CXADR: variants seen among roughly 807,000 people sequenced by gnomAD.
The protein encoded by CXADR is coxsackievirus and adenovirus receptor.
In CXADR, 20 loss-of-function variants were observed where a neutral mutation model predicts 40.3. The ratio of observed to expected loss-of-function variants is 0.50; its 90% CI spans 0.35 to 0.72. The LOEUF is 0.72. CXADR is among the 30% of genes least tolerant of loss of function. The probability of loss-of-function intolerance (pLI) is 0.01; values close to 1 mark genes in which losing one functional copy is unlikely to be tolerated. For synonymous variants in CXADR, 150 were observed against 161.3 expected, an observed-to-expected ratio of 0.93 and a Z score of 0.53; for missense variants, 332 against 449.1, an observed-to-expected ratio of 0.74 and a Z score of 2.36.
At chr21:17,612,525 G>A in the CXADR span, 1 of 152,056 alleles carries the variant, frequency 6.6e-6, no homozygotes, top group African/African-American at 2.4e-5. Context: ...CCGCAGCCCC[G>A]CTCTGGCGCC....
At chr21:17,595,308 T>A (rs184767614), downstream of CXADR, among the ~76,000 whole-genome samples, 38 of 152,160 alleles carry the variant, frequency 2.5e-4, 1 homozygote, top group South Asian at 8.3e-4. Flanking sequence ...AGGATTTTTT[T>A]AAAAAAATTA....
At chr21:17,605,112 G>T in the CXADR span, 2 of 1,179,504 alleles carry the variant, frequency 1.7e-6, no homozygotes, top group Non-Finnish European at 2.3e-6. Context: ...AAATACCCTG[G>T]TAGAGAACCT....
At chr21:17,538,169 T>C (rs1394074377) in intron 1 of CXADR, among the ~76,000 whole-genome samples, 1 of 149,998 alleles carries the variant, frequency 6.7e-6, no homozygotes, top group Non-Finnish European at 1.5e-5. Flanking sequence ...GTCCGGCTAA[T>C]TTTTATATTT....
intron 7 of CXADR, among the ~76,000 whole-genome samples, chr21:17,584,309 A>G (rs527536749): frequency 2.6e-5 from 4 of 152,206 alleles, no homozygotes; most frequent in Non-Finnish European, 5.9e-5. Context: ...ATGATTTTTA[A>G]TTAAAGACGT....
chr21:17,598,979 C>G, the CXADR span: 1 of 557,182 alleles, frequency 1.8e-6, no homozygotes, highest in South Asian at 3.0e-5. Context: ...CCTAATACAG[C>G]TCAATGCCAG....
intron 2 of CXADR, among the ~76,000 whole-genome samples, chr21:17,547,870 G>T (rs927692970): frequency 6.6e-6 from 1 of 151,862 alleles, no homozygotes; most frequent in Non-Finnish European, 1.5e-5. Context: ...TTAAAACATT[G>T]TTTCAGTATT....
In CXADR at chr21:17,569,756, A is replaced by T. The variant is rs965083288; in HGVS notation, c.*4064A>T. On this transcript the variant is annotated 3_prime_UTR_variant, in exon 7 of 7. Transcript: ENST00000284878. Reference sequence around the variant, plus strand: ...ATATCAGTTGGGTTTGGTTTTGGTCATCGAGACTAAAAGCTCCATCAAAAC... The same window carrying T: ...ATATCAGTTGGGTTTGGTTTTGGTCTTCGAGACTAAAAGCTCCATCAAAAC... 2 of 984,066 alleles carry T rather than the reference A, an allele frequency of 2.0e-6. No individual in the cohort carries two copies. The highest frequency in any genetic ancestry group is 3.5e-5 in the African/African-American group (2 of 57,216). The allele number at this position is 984,066 out of a possible 1,614,324, so 61.0% of individuals were successfully genotyped here.
intron 1 of CXADR, chr21:17,518,397 CATT>C (rs1187102276): frequency 1.7e-5 from 9 of 532,722 alleles, no homozygotes; most frequent in Middle Eastern, 5.3e-4. Flanking sequence ...TGCTGAACAG[CATT>C]ATTAATATAC....
At chr21:17,596,428 T>C (rs1030928642), downstream of CXADR, among the ~76,000 whole-genome samples, 3 of 152,200 alleles carry the variant, frequency 2.0e-5, no homozygotes, top group Middle Eastern at 3.4e-3. Context: ...ATCTTTTATG[T>C]CTAGGTACAC....
the CXADR span, among the ~76,000 whole-genome samples, chr21:17,604,468 G>A: frequency 6.6e-6 from 1 of 152,088 alleles, no homozygotes; most frequent in Non-Finnish European, 1.5e-5. Flanking sequence ...GAGAGAGGGA[G>A]AATAAACAGA....
At chr21:17,553,887 G>A (rs2061001758) in intron 3 of CXADR, among the ~76,000 whole-genome samples, 1 of 152,100 alleles carries the variant, frequency 6.6e-6, no homozygotes, top group African/African-American at 2.4e-5. Context: ...AAAGTGCTGG[G>A]ATTACAGGTG....
At chr21:17,558,235 C>T (rs897639431) in intron 3 of CXADR, among the ~76,000 whole-genome samples, 2 of 151,548 alleles carry the variant, frequency 1.3e-5, no homozygotes, top group African/African-American at 4.9e-5. Context: ...CTCAAGTCAT[C>T]CTCCTACCCC....
At chr21:17,570,982 C>T (rs2061273168), downstream of CXADR, among the ~76,000 whole-genome samples, 1 of 152,160 alleles carries the variant, frequency 6.6e-6, no homozygotes, top group Non-Finnish European at 1.5e-5. Flanking sequence ...CCCTGGCTTC[C>T]ACCCGCTGGA....
At chr21:17,527,266 G>C (rs1042463520) in intron 1 of CXADR, 1 of 152,126 alleles carries the variant, frequency 6.6e-6, no homozygotes, top group Non-Finnish European at 1.5e-5. Context: ...GAATAGTTTT[G>C]ACCAGAATTG....
chr21:17,609,006 A>G, the CXADR span: 4 of 1,613,586 alleles, frequency 2.5e-6, no homozygotes, highest in Non-Finnish European at 3.4e-6. Context: ...TTTTCTGGAT[A>G]CCAGTGATTT....
downstream of CXADR, among the ~76,000 whole-genome samples, chr21:17,573,572 C>G (rs752221504): frequency 2.6e-5 from 4 of 152,164 alleles, no homozygotes; most frequent in Non-Finnish European, 4.4e-5. Flanking sequence ...ATATGGGTGA[C>G]TTTGTTAACT....
At chr21:17,519,366 C>T (rs1164272399) in intron 1 of CXADR, among the ~76,000 whole-genome samples, 1 of 152,220 alleles carries the variant, frequency 6.6e-6, no homozygotes, top group Non-Finnish European at 1.5e-5. Context: ...ATAGAGCTCT[C>T]TTCAGTTCAT....
chr21:17,554,470 G>C, intron 3 of CXADR, among the ~76,000 whole-genome samples: 1 of 152,180 alleles, frequency 6.6e-6, no homozygotes, highest in East Asian at 1.9e-4. Context: ...AGCCAAGTCA[G>C]CCTTCAGTTC....
chr21:17,536,908 C>G (rs2060766046), intron 1 of CXADR, among the ~76,000 whole-genome samples: 1 of 152,098 alleles, frequency 6.6e-6, no homozygotes, highest in African/African-American at 2.4e-5. Flanking sequence ...AGGCGCCCAC[C>G]ACCATGCCCA....
Sources: gnomAD v4.1 joint callset for allele counts (sites outside exome capture counted in the v4.1 genomes callset) on GRCh38, gnomAD v4.1.1 for gene constraint, MANE v1.5 for transcripts, NCBI Gene and HGNC (gene_info 2026-07-23, HGNC 2026-07-21) for gene names.